SFMBT1: variants seen among roughly 807,000 people sequenced by gnomAD.
The protein encoded by SFMBT1 is Scm like with four mbt domains 1.
In SFMBT1, 32 loss-of-function variants were observed where a neutral mutation model predicts 108.7. The ratio of observed to expected loss-of-function variants is 0.29; its 90% confidence interval spans 0.22 to 0.40. SFMBT1 has a LOEUF of 0.40. SFMBT1 is among the 10% of genes least tolerant of loss of function. The pLI is 1.00. For synonymous variants in SFMBT1, 348 were observed against 369.5 expected (o/e 0.94, Z 0.67); for missense variants, 816 against 1,059.6 (o/e 0.77, Z 3.19).
intron 18 of SFMBT1, 51 bp downstream of exon 18, chr3:52,907,504 G>A: frequency 6.3e-7 from 1 of 1,579,224 alleles, no homozygotes; most frequent in Non-Finnish European, 8.6e-7. Context: ...ATACTATAAA[G>A]CAGTGGTCAC....
chr3:52,929,057 A>T (rs1004242709), intron 8 of SFMBT1, among the ~76,000 whole-genome samples: 83 of 152,160 alleles, frequency 5.5e-4, no homozygotes, highest in African/African-American at 1.8e-3. Context: ...GTTCAAACAG[A>T]GGTTAAATAA....
intron 1 of SFMBT1, among the ~76,000 whole-genome samples, chr3:52,991,823 A>G (rs1705143558): frequency 6.6e-6 from 1 of 152,144 alleles, no homozygotes; most frequent in Non-Finnish European, 1.5e-5. Flanking sequence ...GCACCTCCCC[A>G]GACACTAAAT....
chr3:53,045,420 T>C (rs1177105490), intron 1 of SFMBT1, among the ~76,000 whole-genome samples: 1 of 141,408 alleles, frequency 7.1e-6, no homozygotes, highest in Non-Finnish European at 1.6e-5. Flanking sequence ...GCCGGGGAAC[T>C]TGGGCGCCCG....
rs1702054336 is a variant in SFMBT1 at position 52,905,964 on chromosome 3, A to G, written c.2460+149T>C. On this transcript the variant is annotated intron_variant, in intron 20 of 20. Transcript: ENST00000394752. ...CAAGTCTGATAAATAACTTTTTATC[A>G]TCTTTGACTCCTAAAAATGGAATTA... 3.5e-6 allele frequency: 3 copies of G among 861,310 alleles called. No individual in the cohort carries two copies. In the East Asian group the frequency reaches 8.1e-5, roughly 23 times the overall value. The allele number at this position is 861,310 out of a possible 1,614,324, so 53.4% of individuals were successfully genotyped here.
At chr3:53,001,682 A>G (rs1004088040) in intron 1 of SFMBT1, among the ~76,000 whole-genome samples, 2 of 148,924 alleles carry the variant, frequency 1.3e-5, no homozygotes, top group African/African-American at 2.4e-5. Context: ...ACAAAGCAGG[A>G]GGACCACTTG....
chr3:52,970,294 A>T (rs908739005), intron 1 of SFMBT1, among the ~76,000 whole-genome samples: 1 of 152,132 alleles, frequency 6.6e-6, no homozygotes, highest in African/African-American at 2.4e-5. Context: ...TCCATCCCTA[A>T]GCTCAAGCAA....
chr3:53,035,575 A>G (rs1029485993), intron 1 of SFMBT1, among the ~76,000 whole-genome samples: 3 of 152,220 alleles, frequency 2.0e-5, no homozygotes, highest in African/African-American at 7.2e-5. Context: ...TAGAATAGCA[A>G]CTTTCAAAAG....
intron 1 of SFMBT1, among the ~76,000 whole-genome samples, chr3:53,035,828 A>G (rs143059481): frequency 0.03 from 4,601 of 152,286 alleles, 237 homozygotes; most frequent in African/African-American, 0.1. Context: ...CCTGGCCTCA[A>G]GTGATCCGCC....
At chr3:52,922,691 G>C (rs1702554808) in intron 10 of SFMBT1, among the ~76,000 whole-genome samples, 1 of 152,164 alleles carries the variant, frequency 6.6e-6, no homozygotes, top group African/African-American at 2.4e-5. Flanking sequence ...AAACATTTAG[G>C]TTATGCCATT....
chr3:52,944,698 T>G lies in SFMBT1; in HGVS notation c.124-1105A>C, dbSNP rs546569055. On this transcript the variant is annotated intron_variant, in intron 3 of 20. Transcript: ENST00000394752. ...CAACATCCAGCTAATTTTTTGTATT[T>G]TTAGTAGAGATGGGGTTTCACCATG... 6.6e-5 allele frequency among the ~76,000 whole-genome samples: 10 copies of G among 152,228 alleles called. No homozygotes were observed. The East Asian group carries it at 1.7e-3, about 26-fold the overall frequency.
In SFMBT1 at chr3:52,954,309, T is replaced by C. The variant is rs752203172; in HGVS notation, c.123+8A>G. 1.3e-6 allele frequency: 2 copies of C among 1,595,616 alleles called. No individual in the cohort carries two copies. The highest frequency in any genetic ancestry group is 8.6e-7 in the Non-Finnish European group (1 of 1,165,630). On this transcript the variant is annotated splice_region_variant and intron_variant, in intron 3 of 20. Coordinates refer to ENST00000394752, the MANE Select transcript of SFMBT1 (RefSeq NM_016329.4). Reference sequence around the variant, plus strand: ...AACACCAGTAAGGCAAATATAGTTATTGCTTACATGTTTAAAAGACCCATA... The same window carrying C: ...AACACCAGTAAGGCAAATATAGTTACTGCTTACATGTTTAAAAGACCCATA...
At chr3:52,917,700 G>A (rs1330069561) in intron 13 of SFMBT1, among the ~76,000 whole-genome samples, 1 of 152,176 alleles carries the variant, frequency 6.6e-6, no homozygotes, top group Non-Finnish European at 1.5e-5. Flanking sequence ...ATTCTCACAG[G>A]AGTGTGAACC....
chr3:52,931,928 C>T, intron 6 of SFMBT1, 134 bp downstream of exon 6: 2 of 1,010,138 alleles, frequency 2.0e-6, no homozygotes, highest in Non-Finnish European at 2.8e-6. Flanking sequence ...TCCATATAAA[C>T]TGTTTTGTAA....
At chr3:52,994,083 A>G (rs1698234496) in intron 1 of SFMBT1, among the ~76,000 whole-genome samples, 1 of 150,442 alleles carries the variant, frequency 6.6e-6, no homozygotes, top group Non-Finnish European at 1.5e-5. Context: ...ACTGCAGAGG[A>G]AAACAACAAC....
intron 1 of SFMBT1, among the ~76,000 whole-genome samples, chr3:53,034,222 G>C (rs1372970951): frequency 6.6e-6 from 1 of 152,036 alleles, no homozygotes; most frequent in East Asian, 1.9e-4. Context: ...ATTGCATTTT[G>C]ACATTTTTAA....
chr3:52,956,340 G>A (rs1454270816), intron 2 of SFMBT1, among the ~76,000 whole-genome samples: 1 of 152,154 alleles, frequency 6.6e-6, no homozygotes, highest in African/African-American at 2.4e-5. Context: ...CGCACCTGTA[G>A]TCCCAGCTAC....
intron 10 of SFMBT1, among the ~76,000 whole-genome samples, 157 bp downstream of exon 10, chr3:52,925,874 A>G (rs532663152): frequency 7.9e-5 from 12 of 152,394 alleles, no homozygotes; most frequent in Admixed American, 6.5e-4. Flanking sequence ...TTCTGCAGTA[A>G]ATGTATTTTC....
At position 52,954,410 on chromosome 3, in the gene SFMBT1, A is replaced by G. The variant is rs1703712066; in HGVS notation, c.30T>C (p.Asp10=). 1 of 1,608,030 alleles carries G rather than the reference A, an allele frequency of 6.2e-7. No individual in the cohort carries two copies. The highest frequency in any genetic ancestry group is 1.3e-5 in the African/African-American group (1 of 74,574). Residue 10 remains aspartate (D), a splice_region_variant and synonymous_variant, in exon 3 of 21, where the codon GAT becomes GAC. Coordinates refer to ENST00000394752, the MANE Select transcript of SFMBT1 (RefSeq NM_016329.4). MNGEQQLDA[D]AGSGMEEVEL... ...CTACCTCTTCCATACCAGAGCCGGCATCTAGAATTAAAAATAAAACAAAAA... is the reference window on the plus strand; with the variant it reads ...CTACCTCTTCCATACCAGAGCCGGCGTCTAGAATTAAAAATAAAACAAAAA...
At chr3:52,969,459 A>G (rs1575410105) in intron 1 of SFMBT1, among the ~76,000 whole-genome samples, 1 of 152,144 alleles carries the variant, frequency 6.6e-6, no homozygotes, top group East Asian at 1.9e-4. Flanking sequence ...GTGCGTCTGT[A>G]TGTGTAGAGA....
Sources: allele counts gnomAD v4.1 joint callset (sites outside exome capture counted in the v4.1 genomes callset), GRCh38; gene constraint gnomAD v4.1.1; transcripts MANE v1.5; gene names NCBI Gene and HGNC (gene_info 2026-07-23, HGNC 2026-07-21).